ELAPOR2: variants seen among roughly 807,000 people sequenced by gnomAD.
ELAPOR2 encodes endosome-lysosome associated apoptosis and autophagy regulator family member 2.
A neutral mutation model predicts 120.7 loss-of-function variants in ELAPOR2; 89 were observed. The observed-to-expected ratio is 0.74, with a 90% CI of 0.62 to 0.88. The LOEUF (loss-of-function observed/expected upper bound fraction) is 0.88, where lower values mean the gene tolerates loss of function less well. ELAPOR2 is among the 40% of genes least tolerant of loss of function. ELAPOR2 has a pLI of 0.00. For missense variants in ELAPOR2, 1,134 were observed against 1,251.6 expected (o/e 0.91, Z 1.42); for synonymous variants, 444 against 444.9 (o/e 1.00, Z 0.03).
chr7:86,948,588 C>T (rs1791102375), intron 2 of ELAPOR2, among the ~76,000 whole-genome samples: 1 of 152,040 alleles, frequency 6.6e-6, no homozygotes, highest in Non-Finnish European at 1.5e-5. Context: ...CACTCTGAAA[C>T]CATGAGCCCA....
At chr7:87,035,989 TAGTAAAAC>T (rs1400484160) in intron 1 of ELAPOR2, among the ~76,000 whole-genome samples, 1 of 152,214 alleles carries the variant, frequency 6.6e-6, no homozygotes, top group African/African-American at 2.4e-5. Context: ...AAAATGGTAA[TAGTAAAAC>T]AGTAAAAGGA....
intron 1 of ELAPOR2, among the ~76,000 whole-genome samples, chr7:86,973,829 G>A (rs1290185550): frequency 3.9e-5 from 6 of 152,156 alleles, no homozygotes; most frequent in East Asian, 1.9e-4. Flanking sequence ...ACAGCTAGAG[G>A]AGGACCCTCT....
intron 18 of ELAPOR2, among the ~76,000 whole-genome samples, chr7:86,902,533 T>G (rs1490462593): frequency 6.6e-6 from 1 of 152,170 alleles, no homozygotes; most frequent in East Asian, 1.9e-4. Context: ...CACCATGAGC[T>G]GATAACCTCC....
rs1286684301 is a variant in ELAPOR2 at position 86,879,956 on chromosome 7, C to T, written c.*515G>A. The T allele has an allele frequency of 6.6e-6, 1 of 152,202 alleles. No homozygotes were observed. Among genetic ancestry groups the T allele is most frequent in the Non-Finnish European group, 1.5e-5 (1 of 68,086 alleles). 9.4% of individuals were successfully genotyped at this position (152,202 alleles called of 1,614,324 possible). On this transcript the variant is annotated 3_prime_UTR_variant, in exon 22 of 22. Transcript: ENST00000450689. ...TGAAAAATTTATTGTCTTCATTGCTCACCATTTTTTAGTAGAAAAGCTGTT... is the reference window on the plus strand; with the variant it reads ...TGAAAAATTTATTGTCTTCATTGCTTACCATTTTTTAGTAGAAAAGCTGTT...
intron 16 of ELAPOR2, 103 bp downstream of exon 16, chr7:86,909,709 G>A: frequency 2.1e-6 from 2 of 953,424 alleles, no homozygotes; most frequent in Non-Finnish European, 3.1e-6. Flanking sequence ...TTACCTGTGG[G>A]GGCCTTAATC....
At chr7:86,938,669 C>A in intron 7 of ELAPOR2, 139 bp downstream of exon 7, 1 of 762,432 alleles carries the variant, frequency 1.3e-6, no homozygotes, top group Non-Finnish European at 2.2e-6. Context: ...ATATTTTATC[C>A]ATTCAACATC....
intron 8 of ELAPOR2, among the ~76,000 whole-genome samples, chr7:86,928,490 C>T (rs953396898): frequency 2.6e-5 from 4 of 151,890 alleles, no homozygotes; most frequent in Non-Finnish European, 4.4e-5. Flanking sequence ...GTAGTTGGTT[C>T]CCAGGTGGGA....
At position 86,876,923 on chromosome 7, in the gene ELAPOR2, AAAGT is replaced by A. The variant is rs1799189812; in HGVS notation, c.*3544_*3547del. ...AACTCAAATTTCAGTGTCCATAAAT[AAAGT>A]TTTATTGGAATGCAGCCACGCCCAT... is the stretch of plus-strand genomic sequence containing the variant. On this transcript the variant is annotated 3_prime_UTR_variant, in exon 22 of 22. Transcript: ENST00000450689. The A allele has an allele frequency of 6.6e-6, 1 of 152,202 alleles. No homozygotes were observed. Among genetic ancestry groups the A allele is most frequent in the African/African-American group, 2.4e-5 (1 of 41,456 alleles). 9.4% of individuals were successfully genotyped at this position (152,202 alleles called of 1,614,324 possible).
chr7:86,982,916 C>T (rs533161832), intron 1 of ELAPOR2, among the ~76,000 whole-genome samples: 15 of 152,134 alleles, frequency 9.9e-5, no homozygotes, highest in South Asian at 8.3e-4. Context: ...TCAAACCCAT[C>T]GCAAGGAAGC....
intron 8 of ELAPOR2, among the ~76,000 whole-genome samples, chr7:86,933,859 G>T (rs1790446417): frequency 6.6e-6 from 1 of 151,992 alleles, no homozygotes; most frequent in African/African-American, 2.4e-5. Flanking sequence ...AACAGGGAAA[G>T]ATTCCATCTT....
intron 10 of ELAPOR2, 61 bp from the exon 11 acceptor site, chr7:86,919,371 G>C: frequency 1.1e-6 from 1 of 944,440 alleles, no homozygotes; most frequent in South Asian, 1.8e-5. Context: ...CCAACAATCT[G>C]TTTAAATAAG....
At chr7:87,012,389 A>T (rs549202549) in intron 1 of ELAPOR2, among the ~76,000 whole-genome samples, 1 of 152,304 alleles carries the variant, frequency 6.6e-6, no homozygotes, top group Non-Finnish European at 1.5e-5. Context: ...TAGCCTGGTG[A>T]CAGAGTGAGA....
chr7:87,029,114 T>C (rs1293367186), intron 1 of ELAPOR2, among the ~76,000 whole-genome samples: 3 of 152,168 alleles, frequency 2.0e-5, no homozygotes, highest in Non-Finnish European at 4.4e-5. Flanking sequence ...TTATCACCAC[T>C]TCTCATGTAT....
chr7:86,887,568 C>A (rs775703404), intron 21 of ELAPOR2, among the ~76,000 whole-genome samples: 15 of 152,050 alleles, frequency 9.9e-5, no homozygotes, highest in Non-Finnish European at 1.9e-4. Flanking sequence ...AAGTTGGTAG[C>A]TTTAAAGACC....
intron 1 of ELAPOR2, among the ~76,000 whole-genome samples, chr7:87,021,725 T>C (rs775570887): frequency 6.6e-6 from 1 of 152,182 alleles, no homozygotes; most frequent in African/African-American, 2.4e-5. Context: ...ATACCTCTCT[T>C]TAACACATTT....
chr7:87,055,002 A>C (rs1459448750), intron 1 of ELAPOR2, among the ~76,000 whole-genome samples: 1 of 152,148 alleles, frequency 6.6e-6, no homozygotes, highest in Non-Finnish European at 1.5e-5. Context: ...GTCCCCTTTC[A>C]TGTAGGTAAA....
chr7:86,998,966 A>C (rs1793218878), intron 1 of ELAPOR2, among the ~76,000 whole-genome samples: 2 of 152,022 alleles, frequency 1.3e-5, no homozygotes, highest in African/African-American at 4.8e-5. Context: ...AGAGCTATGG[A>C]GCTTTCAAGG....
chr7:87,022,004 T>G (rs1324524104), intron 1 of ELAPOR2, among the ~76,000 whole-genome samples: 1 of 152,148 alleles, frequency 6.6e-6, no homozygotes, highest in Non-Finnish European at 1.5e-5. Flanking sequence ...ATATGATCAT[T>G]TTCAAATGAG....
intron 2 of ELAPOR2, among the ~76,000 whole-genome samples, chr7:86,953,118 C>T (rs1028106772): frequency 6.7e-6 from 1 of 149,008 alleles, no homozygotes; most frequent in East Asian, 2.0e-4. Flanking sequence ...AAAACCCACA[C>T]AATTATTGAT....
Sources: gnomAD v4.1 joint callset for allele counts (sites outside exome capture counted in the v4.1 genomes callset) on GRCh38, gnomAD v4.1.1 for gene constraint, MANE v1.5 for transcripts, NCBI Gene and HGNC (gene_info 2026-07-23, HGNC 2026-07-21) for gene names.